NIM1K: variants seen among roughly 807,000 people sequenced by gnomAD.
The protein encoded by NIM1K is NIM1 serine/threonine protein kinase, also known as serine/threonine-protein kinase NIM1.
In NIM1K, 35 loss-of-function variants were observed where a neutral mutation model predicts 37.1. The ratio of observed to expected loss-of-function variants is 0.94; its 90% CI spans 0.72 to 1.25. The LOEUF is 1.25. Among genes scored for constraint, NIM1K ranks in the 50% most tolerant of loss-of-function variants. The pLI, the probability that NIM1K is intolerant of heterozygous loss-of-function variation, is 0.00. For synonymous variants in NIM1K, 234 were observed against 206.6 expected, an observed-to-expected ratio of 1.13 and a Z score of -1.14; for missense variants, 564 against 548.0, an observed-to-expected ratio of 1.03 and a Z score of -0.29.
chr5:43,254,507 T>C (rs1752912510), intron 2 of NIM1K, among the ~76,000 whole-genome samples: 1 of 152,182 alleles, frequency 6.6e-6, no homozygotes, highest in Non-Finnish European at 1.5e-5. Flanking sequence ...TCCTTAAAGT[T>C]CCTCCATGTG....
At chr5:43,237,752 C>A (rs1199287908) in intron 1 of NIM1K, among the ~76,000 whole-genome samples, 1 of 152,114 alleles carries the variant, frequency 6.6e-6, no homozygotes, top group East Asian at 1.9e-4. Flanking sequence ...TACACACACC[C>A]AAACAGGATT....
Position 43,279,999 on chromosome 5 carries a change from A to G in NIM1K, c.581A>G (p.His194Arg), listed in dbSNP as rs748018526. 1.9e-6 allele frequency: 3 copies of G among 1,610,452 alleles called. No homozygotes were observed. The highest frequency in any genetic ancestry group is 1.3e-5 in the African/African-American group (1 of 74,884). The change falls in exon 4 of 4, where the codon CAT (histidine) becomes CGT (arginine). Residue 194 changes from histidine to arginine, a missense_variant. Coordinates refer to ENST00000326035, the MANE Select transcript of NIM1K (RefSeq NM_153361.4). Reference protein sequence around the residue: ...VKHMHENQIIHRDLKAENVFY... With the variant: ...VKHMHENQIIRRDLKAENVFY... ...CCACAGCATGAAAACCAAATTATTC[A>G]TAGAGATCTGAAAGCAGAAAATGTA...
intron 1 of NIM1K, chr5:43,231,846 T>C: frequency 8.1e-7 from 1 of 1,227,866 alleles, no homozygotes; most frequent in African/African-American, 1.5e-5. Context: ...ACCTTCTCCT[T>C]CAACAGAATC....
chr5:43,206,664 T>C, intron 1 of NIM1K: 1 of 686,980 alleles, frequency 1.5e-6, no homozygotes, highest in Non-Finnish European at 2.7e-6. Flanking sequence ...GGCCCCCCAG[T>C]CTCCCAAGGC....
intron 2 of NIM1K, among the ~76,000 whole-genome samples, chr5:43,259,940 A>C (rs929581459): frequency 6.6e-6 from 1 of 152,098 alleles, no homozygotes; most frequent in Admixed American, 6.6e-5. Context: ...GTCTTTAATC[A>C]TATTGAGTTG....
In NIM1K at chr5:43,245,482, G is replaced by T. The variant is rs1752762323; in HGVS notation, c.-294G>T. ...TTCCTGGAGTCCCATCAGGCCAGTG[G>T]GTATGTAACATGTGCCTAATTGTAC... On this transcript the variant is annotated 5_prime_UTR_variant, in exon 2 of 4. Coordinates refer to ENST00000326035, the MANE Select transcript of NIM1K (RefSeq NM_153361.4). 1 of 279,178 alleles carries T rather than the reference G, an allele frequency of 3.6e-6. No homozygotes were observed. Among genetic ancestry groups the T allele is most frequent in the Non-Finnish European group, 6.7e-6 (1 of 149,866 alleles). The allele number at this position is 279,178 out of a possible 1,614,324, so 17.3% of individuals were successfully genotyped here.
chr5:43,261,834 C>G (rs1056809323), intron 2 of NIM1K, among the ~76,000 whole-genome samples: 4 of 152,168 alleles, frequency 2.6e-5, no homozygotes, highest in Non-Finnish European at 5.9e-5. Context: ...ATATGGCCAG[C>G]CAGTTTTCCC....
chr5:43,220,163 A>T (rs981708192), intron 1 of NIM1K, among the ~76,000 whole-genome samples: 17 of 152,310 alleles, frequency 1.1e-4, no homozygotes, highest in African/African-American at 4.1e-4. Flanking sequence ...GTGCAGATTT[A>T]TGCCTATGTT....
chr5:43,275,180 G>T (rs1753320151), intron 2 of NIM1K, among the ~76,000 whole-genome samples: 1 of 152,180 alleles, frequency 6.6e-6, no homozygotes, highest in Non-Finnish European at 1.5e-5. Flanking sequence ...TATGCTACCA[G>T]ATTTTTATCT....
intron 2 of NIM1K, 143 bp from the exon 3 acceptor site, chr5:43,276,914 G>C (rs1045570941): frequency 2.5e-6 from 2 of 806,110 alleles, no homozygotes; most frequent in Non-Finnish European, 4.1e-6. Context: ...CTTAAGCATT[G>C]CTTTGTCATT....
intron 1 of NIM1K, among the ~76,000 whole-genome samples, chr5:43,199,189 C>CAA (rs1368419224): frequency 1.7e-3 from 17 of 9,806 alleles, no homozygotes; most frequent in African/African-American, 3.9e-3. Flanking sequence ...GCTCTGTCTC[C>CAA]AAAAAAAAAA....
intron 2 of NIM1K, among the ~76,000 whole-genome samples, chr5:43,269,103 G>A (rs1362852553): frequency 6.6e-6 from 1 of 151,956 alleles, no homozygotes; most frequent in Non-Finnish European, 1.5e-5. Flanking sequence ...GAGGTCAGGA[G>A]TTCAAGACCA....
chr5:43,246,946 T>G (rs1016072506), intron 2 of NIM1K, among the ~76,000 whole-genome samples: 1 of 152,192 alleles, frequency 6.6e-6, no homozygotes, highest in African/African-American at 2.4e-5. Flanking sequence ...ACCCATGGAC[T>G]CTACCGTCTC....
intron 1 of NIM1K, among the ~76,000 whole-genome samples, chr5:43,217,948 G>A (rs569525098): frequency 1.3e-5 from 2 of 152,060 alleles, no homozygotes; most frequent in Admixed American, 6.6e-5. Context: ...CTCACCTCAG[G>A]TGATCCACCC....
At chr5:43,240,667 T>A (rs919691707) in intron 1 of NIM1K, among the ~76,000 whole-genome samples, 1 of 151,552 alleles carries the variant, frequency 6.6e-6, no homozygotes, top group Non-Finnish European at 1.5e-5. Context: ...CCTCAGTAGC[T>A]GGGATTACAG....
In NIM1K at chr5:43,277,127, A is replaced by G; in HGVS notation, c.363A>G (p.Glu121=). The part of the protein sequence containing the change: ...DQKTQRLLSR[E]ISSMEKLHHP... ...AAACCCAGAGGCTACTATCCCGAGA[A>G]ATCTCCAGCATGGAAAAGCTGCACC... is the stretch of plus-strand genomic sequence containing the variant. The change falls in exon 3 of 4, where the codon GAA becomes GAG. Residue 121 remains glutamate, a synonymous_variant. Transcript: ENST00000326035. 1 of 1,614,154 alleles carries G rather than the reference A, an allele frequency of 6.2e-7. No individual in the cohort carries two copies. Among genetic ancestry groups the G allele is most frequent in the Non-Finnish European group, 8.5e-7 (1 of 1,180,008 alleles).
intron 1 of NIM1K, among the ~76,000 whole-genome samples, chr5:43,231,373 G>T (rs1361374184): frequency 3.3e-5 from 5 of 152,054 alleles, no homozygotes; most frequent in Non-Finnish European, 5.9e-5. Flanking sequence ...ATTTTCTTAT[G>T]TGTGTCAAAG....
At chr5:43,249,089 A>C (rs981697618) in intron 2 of NIM1K, among the ~76,000 whole-genome samples, 3 of 139,936 alleles carry the variant, frequency 2.1e-5, no homozygotes, top group Non-Finnish European at 3.1e-5. Context: ...TATTTATTTG[A>C]GACAGAGTCT....
At chr5:43,266,889 C>G (rs927089936) in intron 2 of NIM1K, among the ~76,000 whole-genome samples, 2 of 152,192 alleles carry the variant, frequency 1.3e-5, no homozygotes, top group Non-Finnish European at 2.9e-5. Flanking sequence ...CTATGTTCAT[C>G]AGGAATATTG....
Sources: allele counts gnomAD v4.1 joint callset (sites outside exome capture counted in the v4.1 genomes callset), GRCh38; gene constraint gnomAD v4.1.1; transcripts MANE v1.5; gene names NCBI Gene and HGNC (gene_info 2026-07-23, HGNC 2026-07-21).